The following CCSER1 variants were observed in gnomAD, a reference collection of about 807,000 sequenced individuals.
CCSER1 encodes the protein coiled-coil serine rich protein 1.
A neutral mutation model predicts 82.0 loss-of-function variants in CCSER1; 41 were observed. That is an observed-to-expected ratio of 0.50 (90% CI 0.39 to 0.65). The LOEUF (loss-of-function observed/expected upper bound fraction) is 0.65, where lower values mean the gene tolerates loss of function less well. Among genes scored for constraint, CCSER1 ranks in the 30% least tolerant of loss-of-function variants. CCSER1 has a pLI of 0.00. For synonymous variants in CCSER1, 414 were observed against 383.9 expected (o/e 1.08, Z -0.92); for missense variants, 1,119 against 1,064.2 (o/e 1.05, Z -0.72).
At chr4:91,519,554 G>C (rs959772938) in intron 10 of CCSER1, among the ~76,000 whole-genome samples, 3 of 152,230 alleles carry the variant, frequency 2.0e-5, no homozygotes, top group Admixed American at 1.3e-4. Flanking sequence ...ATGTGTGCCT[G>C]AGCAGTGGCT....
At chr4:90,792,926 G>A (rs1358510504) in intron 7 of CCSER1, among the ~76,000 whole-genome samples, 1 of 152,218 alleles carries the variant, frequency 6.6e-6, no homozygotes, top group African/African-American at 2.4e-5. Flanking sequence ...TGGAGTGTGA[G>A]AGCCTGATAA....
chr4:90,605,414 C>A (rs1243979636), intron 5 of CCSER1, among the ~76,000 whole-genome samples: 1 of 152,078 alleles, frequency 6.6e-6, no homozygotes, highest in East Asian at 1.9e-4. Context: ...ATTTATAATT[C>A]CTTAAAGTCA....
chr4:90,639,565 A>T (rs1029452346), intron 6 of CCSER1, among the ~76,000 whole-genome samples: 1 of 151,992 alleles, frequency 6.6e-6, no homozygotes. Context: ...AAGGGAAGAG[A>T]TGTGTAGTGT....
intron 10 of CCSER1, among the ~76,000 whole-genome samples, chr4:91,143,038 G>T (rs1729188548): frequency 6.6e-6 from 1 of 152,052 alleles, no homozygotes; most frequent in Non-Finnish European, 1.5e-5. Context: ...AATTTTATAG[G>T]AACAGTGTTG....
chr4:90,603,740 G>T (rs1309550999), intron 5 of CCSER1, among the ~76,000 whole-genome samples: 1 of 152,134 alleles, frequency 6.6e-6, no homozygotes. Context: ...CATACATTTT[G>T]ATAGATGATA....
intron 1 of CCSER1, among the ~76,000 whole-genome samples, chr4:90,239,256 G>A (rs907319954): frequency 2.6e-5 from 4 of 152,144 alleles, no homozygotes; most frequent in Non-Finnish European, 5.9e-5. Context: ...TCCCATAGGA[G>A]TTAATCTTTG....
At chr4:90,636,038 A>G (rs1409134490) in intron 6 of CCSER1, among the ~76,000 whole-genome samples, 1 of 151,852 alleles carries the variant, frequency 6.6e-6, no homozygotes, top group Non-Finnish European at 1.5e-5. Flanking sequence ...GAAAAAGTTC[A>G]AAAAAAGGCT....
At chr4:90,468,822 AT>A (rs1397079010) in intron 5 of CCSER1, among the ~76,000 whole-genome samples, 3 of 152,076 alleles carry the variant, frequency 2.0e-5, no homozygotes, top group Admixed American at 6.6e-5. Context: ...GTGTTTTCAT[AT>A]TTTTTCCATT....
At chr4:90,255,935 TA>T (rs1289233349) in intron 1 of CCSER1, among the ~76,000 whole-genome samples, 1 of 152,302 alleles carries the variant, frequency 6.6e-6, no homozygotes, top group Non-Finnish European at 1.5e-5. Flanking sequence ...GATGTTTATG[TA>T]ACTTATCTAA....
At chr4:91,512,923 ACTT>A (rs1189049268) in intron 10 of CCSER1, among the ~76,000 whole-genome samples, 2 of 151,854 alleles carry the variant, frequency 1.3e-5, no homozygotes, top group African/African-American at 2.4e-5. Context: ...AGACAGTTTG[ACTT>A]CTTCTTTTCT....
intron 4 of CCSER1, among the ~76,000 whole-genome samples, chr4:90,427,829 G>A (rs1020070085): frequency 4.6e-5 from 7 of 151,670 alleles, no homozygotes; most frequent in African/African-American, 1.7e-4. Context: ...CTAGAATAAA[G>A]CAAAACTATA....
chr4:90,308,795 C>T lies in CCSER1; in HGVS notation c.511C>T (p.Arg171Cys), dbSNP rs199696987. 3.0e-5 allele frequency: 49 copies of T among 1,613,608 alleles called. No individual in the cohort carries two copies. The highest frequency in any genetic ancestry group is 2.0e-4 in the East Asian group (9 of 44,884). ...TGGTTTCACAGAAGACCAAACTCGT[C>T]GTTCTGTTAAGCAGTCAACAAGGAA... ...DSGFTEDQTRRSVKQSTRKLL... is the reference protein window; with the variant it reads ...DSGFTEDQTRCSVKQSTRKLL... The change falls in exon 2 of 11, where the codon CGT becomes TGT. Residue 171 changes from arginine (R) to cysteine (C), a missense_variant. Transcript: ENST00000509176.
chr4:91,346,478 T>G (rs1748068077), intron 10 of CCSER1, among the ~76,000 whole-genome samples: 1 of 152,206 alleles, frequency 6.6e-6, no homozygotes, highest in South Asian at 2.1e-4. Context: ...CATACAACAA[T>G]TTTCAACTCA....
At chr4:90,631,050 T>C (rs1724311767) in intron 6 of CCSER1, among the ~76,000 whole-genome samples, 1 of 151,782 alleles carries the variant, frequency 6.6e-6, no homozygotes, top group Admixed American at 6.6e-5. Context: ...CCTGCCACCA[T>C]GCCCGGCTAA....
At chr4:91,524,922 G>T (rs1490136091) in intron 10 of CCSER1, among the ~76,000 whole-genome samples, 3 of 152,094 alleles carry the variant, frequency 2.0e-5, no homozygotes, top group Non-Finnish European at 4.4e-5. Context: ...AGGATAAAGT[G>T]TTTCTTGACA....
At chr4:91,295,391 A>G (rs1014553782) in intron 10 of CCSER1, among the ~76,000 whole-genome samples, 4 of 151,940 alleles carry the variant, frequency 2.6e-5, no homozygotes, top group Non-Finnish European at 4.4e-5. Context: ...GTTTGTAAAG[A>G]GGCAAAATTT....
intron 9 of CCSER1, among the ~76,000 whole-genome samples, chr4:91,055,122 T>C (rs891178028): frequency 1.3e-5 from 2 of 152,176 alleles, no homozygotes; most frequent in African/African-American, 4.8e-5. Flanking sequence ...TTTATTCCTT[T>C]CTCATCCCTT....
intron 10 of CCSER1, among the ~76,000 whole-genome samples, chr4:91,148,751 T>G (rs1376378773): frequency 6.6e-6 from 1 of 152,208 alleles, no homozygotes; most frequent in Non-Finnish European, 1.5e-5. Flanking sequence ...TTTCTATTCT[T>G]ACGATAGTTT....
intron 5 of CCSER1, among the ~76,000 whole-genome samples, chr4:90,483,383 G>T (rs1216191296): frequency 1.3e-5 from 2 of 151,956 alleles, no homozygotes; most frequent in Admixed American, 6.6e-5. Flanking sequence ...TTTAAGGTTA[G>T]TATTGTCATG....
Sources: allele counts gnomAD v4.1 joint callset (sites outside exome capture counted in the v4.1 genomes callset), GRCh38; gene constraint gnomAD v4.1.1; transcripts MANE v1.5; gene names NCBI Gene and HGNC (gene_info 2026-07-23, HGNC 2026-07-21).